DGKB: variants seen among roughly 807,000 people sequenced by gnomAD.
DGKB encodes the protein 90 kDa diacylglycerol kinase.
Under a neutral mutation model 114.3 loss-of-function variants are expected in DGKB, and 67 were observed. That is an observed-to-expected ratio of 0.59 (90% CI 0.48 to 0.72). The LOEUF (loss-of-function observed/expected upper bound fraction) is 0.72. Among genes scored for constraint, DGKB ranks in the 30% least tolerant of loss-of-function variants. The pLI is 0.00. For synonymous variants in DGKB, 398 were observed against 323.1 expected (o/e 1.23, Z -2.49); for missense variants, 907 against 975.2 (o/e 0.93, Z 0.93).
intron 25 of DGKB, among the ~76,000 whole-genome samples, chr7:14,162,255 TA>T (rs913014595): frequency 4.6e-5 from 7 of 152,332 alleles, no homozygotes; most frequent in Admixed American, 1.3e-4. Flanking sequence ...TTCTAACTGC[TA>T]AAAGCAATCA....
intron 13 of DGKB, among the ~76,000 whole-genome samples, chr7:14,632,388 T>TTA (rs1457032771): frequency 2.9e-4 from 44 of 150,442 alleles, no homozygotes; most frequent in South Asian, 1.0e-3. Flanking sequence ...AGCTTCAGCT[T>TTA]TATATATATA....
At chr7:14,929,342 C>G (rs1472763087) in intron 1 of DGKB, among the ~76,000 whole-genome samples, 1 of 152,046 alleles carries the variant, frequency 6.6e-6, no homozygotes, top group African/African-American at 2.4e-5. Flanking sequence ...AAAGTACTTT[C>G]CCATCAACAG....
At chr7:14,921,532 C>G (rs912992125) in intron 1 of DGKB, among the ~76,000 whole-genome samples, 7 of 152,126 alleles carry the variant, frequency 4.6e-5, no homozygotes, top group African/African-American at 1.7e-4. Context: ...GGTTATTTTG[C>G]TCCCCAGGAA....
chr7:14,419,061 G>A lies in DGKB; in HGVS notation c.1835+59100C>T, dbSNP rs1051878647. On this transcript the variant is annotated intron_variant, in intron 21 of 25. Coordinates refer to ENST00000402815, the MANE Select transcript of DGKB (RefSeq NM_001350709.2). ...TATGATTATTGTGATTGAGAGAGCA[G>A]AGAAAGGAGAATAATAGAATCCTTA... 2.6e-5 allele frequency among the ~76,000 whole-genome samples: 4 copies of A among 152,004 alleles called. No individual in the cohort carries two copies. In the East Asian group the frequency reaches 7.7e-4, roughly 29 times the overall value.
chr7:14,447,043 G>A (rs1584005483), intron 21 of DGKB, among the ~76,000 whole-genome samples: 1 of 152,122 alleles, frequency 6.6e-6, no homozygotes. Flanking sequence ...ACTGCTAATT[G>A]TAATATCATT....
rs531689203 is a variant in DGKB, at chr7:14,522,190, T to C, written c.1771-43965A>G. On this transcript the variant is annotated intron_variant, in intron 20 of 25. Coordinates refer to ENST00000402815, the MANE Select transcript of DGKB (RefSeq NM_001350709.2). ...TGGCCTAAACAGAACATTTACATTT[T>C]AGATTACATTTGAAGTTTTTCCAGG... is the stretch of plus-strand genomic sequence containing the variant. Among the ~76,000 whole-genome samples the C allele has an allele frequency of 6.6e-5, 10 of 152,268 alleles. No homozygotes were observed. In the East Asian group the frequency reaches 1.4e-3, roughly 21 times the overall value.
intron 1 of DGKB, among the ~76,000 whole-genome samples, chr7:14,956,476 G>C (rs1021581072): frequency 6.6e-6 from 1 of 151,940 alleles, no homozygotes; most frequent in Non-Finnish European, 1.5e-5. Context: ...AAAATCAAAA[G>C]GTTTTGCAAA....
intron 1 of DGKB, among the ~76,000 whole-genome samples, chr7:14,909,964 T>G (rs977464004): frequency 6.6e-6 from 1 of 151,996 alleles, no homozygotes; most frequent in Non-Finnish European, 1.5e-5. Context: ...CCCAGCACCT[T>G]GAGAGGCCGA....
chr7:14,265,629 A>AT (rs1479477889), intron 23 of DGKB, among the ~76,000 whole-genome samples: 1 of 151,666 alleles, frequency 6.6e-6, no homozygotes, highest in East Asian at 1.9e-4. Context: ...TAATAATTAC[A>AT]TTTTTTTAAG....
intron 25 of DGKB, among the ~76,000 whole-genome samples, chr7:14,151,244 G>A (rs1313901393): frequency 1.3e-5 from 2 of 151,764 alleles, no homozygotes; most frequent in African/African-American, 4.8e-5. Flanking sequence ...ATAGCATTAG[G>A]GCATTTTGGG....
At chr7:14,375,278 C>A (rs1818300998) in intron 21 of DGKB, among the ~76,000 whole-genome samples, 1 of 152,180 alleles carries the variant, frequency 6.6e-6, no homozygotes, top group Admixed American at 6.5e-5. Context: ...TTTCTCTTTT[C>A]TCTTTTAGAT....
rs371218894 is a variant in DGKB, at chr7:14,796,821, C to G, written c.71-39090G>C. Among the ~76,000 whole-genome samples, 50 of 152,216 alleles carry G rather than the reference C, an allele frequency of 3.3e-4. 1 individual carries two copies. In the East Asian group the frequency reaches 8.9e-3, roughly 27 times the overall value. ...CATGACAATGTTCCTGGTCATTCCT[C>G]TTATTAAATAAAGGCAATTTTGCAA... is the stretch of plus-strand genomic sequence containing the variant. On this transcript the variant is annotated intron_variant, in intron 2 of 25. Coordinates refer to ENST00000402815, the MANE Select transcript of DGKB (RefSeq NM_001350709.2).
intron 2 of DGKB, among the ~76,000 whole-genome samples, chr7:14,781,302 A>G (rs921909156): frequency 1.2e-4 from 18 of 152,210 alleles, no homozygotes; most frequent in African/African-American, 4.3e-4. Context: ...CTTTCAATTC[A>G]GTATTCACAT....
At chr7:14,161,804 T>G (rs1933863521) in intron 25 of DGKB, among the ~76,000 whole-genome samples, 1 of 152,032 alleles carries the variant, frequency 6.6e-6, no homozygotes, top group Admixed American at 6.6e-5. Flanking sequence ...ATCCTGGAAC[T>G]TAAAGTATAA....
In DGKB at chr7:14,345,463, C is replaced by A. The variant is rs930658678; in HGVS notation, c.1836-72G>T. 5 of 752,352 alleles carry A rather than the reference C, an allele frequency of 6.6e-6. No individual in the cohort carries two copies. The African/African-American group carries it at 8.9e-5, about 13-fold the overall frequency. The allele number at this position is 752,352 out of a possible 1,614,324, so 46.6% of individuals were successfully genotyped here. ...AGGGATCTTTTAAAAAATGGTCTAACTCTGTCTTGTGTTATAATAGAAAAG... is the reference window on the plus strand; with the variant it reads ...AGGGATCTTTTAAAAAATGGTCTAAATCTGTCTTGTGTTATAATAGAAAAG... On this transcript the variant is annotated intron_variant, in intron 21 of 25. Transcript: ENST00000402815.
intron 1 of DGKB, among the ~76,000 whole-genome samples, chr7:14,972,892 G>A (rs34796119): frequency 6.6e-6 from 1 of 152,040 alleles, no homozygotes; most frequent in Non-Finnish European, 1.5e-5. Flanking sequence ...GTTTGCGTAT[G>A]TGTGTATACA....
chr7:14,654,194 T>C (rs533246556), intron 13 of DGKB, among the ~76,000 whole-genome samples: 1 of 152,080 alleles, frequency 6.6e-6, no homozygotes, highest in East Asian at 1.9e-4. Context: ...AGTTGCAGGA[T>C]ATAAAAATTA....
At chr7:14,318,957 AT>A (rs1807183591) in intron 23 of DGKB, among the ~76,000 whole-genome samples, 1 of 152,214 alleles carries the variant, frequency 6.6e-6, no homozygotes, top group South Asian at 2.1e-4. Flanking sequence ...CTATGCAGCC[AT>A]AAAAAATGAT....
chr7:14,217,550 A>T (rs1789193110), intron 23 of DGKB, among the ~76,000 whole-genome samples: 1 of 152,074 alleles, frequency 6.6e-6, no homozygotes, highest in Non-Finnish European at 1.5e-5. Flanking sequence ...ATGAGTAATT[A>T]TACCAGGTTT....
Sources: allele counts gnomAD v4.1 joint callset (sites outside exome capture counted in the v4.1 genomes callset), GRCh38; gene constraint gnomAD v4.1.1; transcripts MANE v1.5; gene names NCBI Gene and HGNC (gene_info 2026-07-23, HGNC 2026-07-21).